The following SMG7 variants were observed in gnomAD, a reference collection of about 807,000 sequenced individuals.
SMG7 encodes SMG7 nonsense mediated mRNA decay factor, also known as nonsense-mediated mRNA decay factor SMG7.
In SMG7, 34 loss-of-function variants were observed where a neutral mutation model predicts 148.2. The observed-to-expected ratio is 0.23, with a 90% CI of 0.17 to 0.31. The LOEUF is 0.31. Ranked by LOEUF, SMG7 falls within the 10% of genes least tolerant of loss-of-function variation. The pLI, the probability that SMG7 is intolerant of heterozygous loss-of-function variation, is 1.00. For synonymous variants in SMG7, 492 were observed against 515.1 expected (o/e 0.96, Z 0.61); for missense variants, 1,114 against 1,408.4 (o/e 0.79, Z 3.35).
At chr1:183,500,613 G>A (rs961297165) in intron 1 of SMG7, among the ~76,000 whole-genome samples, 3 of 152,142 alleles carry the variant, frequency 2.0e-5, no homozygotes, top group African/African-American at 7.2e-5. Context: ...CTTTATTGTA[G>A]TCCTGTGAGT....
chr1:183,516,248 A>C (rs550282633), intron 3 of SMG7, among the ~76,000 whole-genome samples: 12 of 152,338 alleles, frequency 7.9e-5, no homozygotes, highest in Admixed American at 3.3e-4. Flanking sequence ...TGTCAAAAAA[A>C]ACAAATATAT....
At chr1:183,479,757 T>A (rs2102056007) in intron 1 of SMG7, among the ~76,000 whole-genome samples, 1 of 152,266 alleles carries the variant, frequency 6.6e-6, no homozygotes, top group East Asian at 1.9e-4. Flanking sequence ...TCAAAGGTAT[T>A]ATGTAAGTAT....
rs377543495 is a variant in SMG7 at position 183,541,024 on chromosome 1, G to T, written c.1336G>T (p.Asp446Tyr). The change falls in exon 13 of 23, where the codon GAC (aspartate) becomes TAC (tyrosine). Residue 446 changes from aspartate (D) to tyrosine (Y), a missense_variant. By Grantham distance (160) the Asp-to-Tyr change is radical (BLOSUM62 -3). This residue lies in a region of SMG7 where 788 missense variants were observed against 894.5 expected (regional missense o/e 0.88). Coordinates refer to ENST00000688051, the MANE Select transcript of SMG7 (RefSeq NM_001375584.1). ...FSKGHQGITG[D>Y]KEGQQRRIRQ... is the part of the protein sequence containing the mutation. ...CAAAGGTCACCAGGGTATTACAGGGGACAAAGAAGGCCAGCAACGACGAAT... is the reference window on the plus strand; with the variant it reads ...CAAAGGTCACCAGGGTATTACAGGGTACAAAGAAGGCCAGCAACGACGAAT... 6 of 1,613,478 alleles carry T rather than the reference G, an allele frequency of 3.7e-6. No homozygotes were observed. Among genetic ancestry groups the T allele is most frequent in the Admixed American group, 1.7e-5 (1 of 60,002 alleles).
intron 1 of SMG7, among the ~76,000 whole-genome samples, chr1:183,512,615 T>G (rs956074809): frequency 1.3e-5 from 2 of 152,188 alleles, no homozygotes; most frequent in African/African-American, 2.4e-5. Flanking sequence ...ACTTAACTTT[T>G]AAGTGGTCCT....
intron 12 of SMG7, among the ~76,000 whole-genome samples, chr1:183,538,937 AGATCGAGAC>A (rs1455402176): frequency 6.6e-6 from 1 of 152,054 alleles, no homozygotes; most frequent in East Asian, 1.9e-4. Flanking sequence ...TGAGGTCAGG[AGATCGAGAC>A]CATCCTGGCT....
chr1:183,544,258 A>G (rs760307443), intron 14 of SMG7, 95 bp from the exon 15 acceptor site: 21 of 907,298 alleles, frequency 2.3e-5, no homozygotes, highest in Non-Finnish European at 3.6e-5. Flanking sequence ...TTTTGATCTA[A>G]TGAGGTTTTA....
At chr1:183,544,518 C>G in intron 15 of SMG7, 21 bp downstream of exon 15, 3 of 1,610,232 alleles carry the variant, frequency 1.9e-6, no homozygotes, top group Non-Finnish European at 2.5e-6. Flanking sequence ...TTTGTAATTT[C>G]TTCTACTTAA....
rs1327730972 is a variant in SMG7 at position 183,472,527 on chromosome 1, C to T, written c.-94C>T. ...GAGCCGGAGGAGAGGAAGATGGCGGCGGCCGCCAGCACCCGCGGTGCCGCG... is the reference window on the plus strand; with the variant it reads ...GAGCCGGAGGAGAGGAAGATGGCGGTGGCCGCCAGCACCCGCGGTGCCGCG... On this transcript the variant is annotated 5_prime_UTR_variant, in exon 1 of 23. Transcript: ENST00000688051. The T allele has an allele frequency of 5.7e-6, 7 of 1,227,398 alleles. No individual in the cohort carries two copies. The highest frequency in any genetic ancestry group is 7.5e-6 in the Non-Finnish European group (7 of 938,618). The allele number at this position is 1,227,398 out of a possible 1,614,324, so 76.0% of individuals were successfully genotyped here. A position where few individuals can be genotyped will look rare whatever the true frequency, so the allele number is the denominator to read the frequency against.
intron 4 of SMG7, chr1:183,518,595 C>A (rs754232827): frequency 3.9e-5 from 6 of 152,156 alleles, no homozygotes; most frequent in Non-Finnish European, 7.4e-5. Flanking sequence ...AGCTTTTCCT[C>A]TGTTTGAATA....
intron 1 of SMG7, among the ~76,000 whole-genome samples, chr1:183,509,442 G>T (rs1661663015): frequency 2.0e-5 from 3 of 152,112 alleles, no homozygotes; most frequent in Admixed American, 6.6e-5. Flanking sequence ...AACAAAATTT[G>T]TACCTAATTG....
chr1:183,535,182 T>C (rs960752474), intron 10 of SMG7, among the ~76,000 whole-genome samples: 1 of 152,220 alleles, frequency 6.6e-6, no homozygotes, highest in African/African-American at 2.4e-5. Context: ...CATTTGCTTA[T>C]AGAGTTTTTA....
rs1669732497 is a variant in SMG7 at position 183,545,315 on chromosome 1, A to G, written c.2370+3A>G. The G allele has an allele frequency of 1.4e-5, 22 of 1,606,592 alleles. No homozygotes were observed. Among genetic ancestry groups the G allele is most frequent in the Non-Finnish European group, 1.6e-5 (19 of 1,179,670 alleles). Reference sequence around the variant, plus strand: ...CTCACCACTCTGGATTCCAGCAGGTAAGTTACAGTTGTGTGTACTATCCAG... The same window carrying G: ...CTCACCACTCTGGATTCCAGCAGGTGAGTTACAGTTGTGTGTACTATCCAG... On this transcript the variant is annotated splice_donor_region_variant and intron_variant, in intron 16 of 22. Coordinates refer to ENST00000688051, the MANE Select transcript of SMG7 (RefSeq NM_001375584.1).
Position 183,542,487 on chromosome 1 carries a change from G to A in SMG7, c.1827G>A (p.Gln609=), listed in dbSNP as rs1290832351. 3 of 1,612,998 alleles carry A rather than the reference G, an allele frequency of 1.9e-6. No individual in the cohort carries two copies. Among genetic ancestry groups the A allele is most frequent in the Non-Finnish European group, 2.5e-6 (3 of 1,179,626 alleles). ...AAAAGTTACAGGAAACAGGAAAGCAGAATGTGGCAGTGCAGGTAAGCTGTA... is the reference window on the plus strand; with the variant it reads ...AAAAGTTACAGGAAACAGGAAAGCAAAATGTGGCAGTGCAGGTAAGCTGTA... The part of the protein sequence containing the change: ...TLEKLQETGK[Q]NVAVQVKSQT... The change falls in exon 14 of 23, where the codon CAG becomes CAA. Residue 609 remains glutamine (Q), a synonymous_variant. Coordinates refer to ENST00000688051, the MANE Select transcript of SMG7 (RefSeq NM_001375584.1).
chr1:183,477,485 C>CATATATACAT (rs1557935151), intron 1 of SMG7, among the ~76,000 whole-genome samples: 3 of 125,150 alleles, frequency 2.4e-5, no homozygotes, highest in Non-Finnish European at 1.8e-5. Flanking sequence ...CATATATACA[C>CATATATACAT]GTGTGTGCAT....
intron 1 of SMG7, among the ~76,000 whole-genome samples, chr1:183,491,640 C>T (rs1389965037): frequency 1.3e-5 from 2 of 152,084 alleles, no homozygotes; most frequent in African/African-American, 4.8e-5. Flanking sequence ...TAAATAAATA[C>T]TGATGAATCT....
intron 3 of SMG7, among the ~76,000 whole-genome samples, chr1:183,516,315 G>A (rs1022340109): frequency 1.8e-4 from 27 of 151,764 alleles, no homozygotes; most frequent in South Asian, 4.2e-4. Context: ...TAATTAAGCC[G>A]CGATTTAAAA....
chr1:183,495,817 C>T (rs1319355816), intron 1 of SMG7, among the ~76,000 whole-genome samples: 1 of 151,714 alleles, frequency 6.6e-6, no homozygotes, highest in Non-Finnish European at 1.5e-5. Context: ...GCAATGAGCC[C>T]AGATTGTGCC....
chr1:183,494,056 T>C (rs1388596087), intron 1 of SMG7, among the ~76,000 whole-genome samples: 1 of 152,102 alleles, frequency 6.6e-6, no homozygotes, highest in Non-Finnish European at 1.5e-5. Flanking sequence ...GACACCATCA[T>C]GGCTCACTGC....
intron 4 of SMG7, among the ~76,000 whole-genome samples, chr1:183,520,417 T>G (rs1231250024): frequency 6.6e-6 from 1 of 152,226 alleles, no homozygotes; most frequent in East Asian, 1.9e-4. Flanking sequence ...ATTCCCAGAT[T>G]CCCATCATTT....
Sources: gnomAD v4.1 joint callset for allele counts (sites outside exome capture counted in the v4.1 genomes callset) on GRCh38, gnomAD v4.1.1 for gene constraint, gnomAD v4.1.1 regional missense constraint, MANE v1.5 for transcripts, NCBI Gene and HGNC (gene_info 2026-07-23, HGNC 2026-07-21) for gene names.